Variants in OR6C74 observed in about 807,000 individuals in gnomAD.
OR6C74 encodes olfactory receptor 6C74.
For synonymous variants in OR6C74, 142 were observed against 134.2 expected (o/e 1.06, Z -0.40); for missense variants, 361 against 362.9 (o/e 0.99, Z 0.04).
rs1411464162 is a variant in OR6C74 at position 55,247,848 on chromosome 12, C to T, written c.561C>T (p.Cys187=). ...TTTCTCCTATACTGCAGCTCTCTTG[C>T]ACAGACACTGACATAATAGAATTAA... ...CDVSPILQLS[C]TDTDIIELMM... Residue 187 remains cysteine (C), a synonymous_variant, in exon 2 of 2, where the codon TGC becomes TGT. Transcript: ENST00000343399. 1 of 1,613,850 alleles carries T rather than the reference C, an allele frequency of 6.2e-7. No homozygotes were observed. The highest frequency in any genetic ancestry group is 1.3e-5 in the African/African-American group (1 of 74,912).
chr12:55,255,542 C>A lies in OR6C74; in HGVS notation c.*7316C>A, dbSNP rs1270257746. 6.6e-6 allele frequency among the ~76,000 whole-genome samples: 1 copy of A among 151,764 alleles called. No individual in the cohort carries two copies. The highest frequency in any genetic ancestry group is 1.9e-4 in the East Asian group (1 of 5,182). ...GCAATAGCAAAGACTTGGAACCAAC[C>A]CAAATGCCCATCAATGATAGGTTGG... On this transcript the variant is annotated 3_prime_UTR_variant, in exon 2 of 2. Coordinates refer to ENST00000343399, the MANE Select transcript of OR6C74 (RefSeq NM_001005490.2).
In OR6C74 at chr12:55,254,425, CCAAT is replaced by C; in HGVS notation, c.*6204_*6207del. ...TCCCAGTTGGGATCCTTTCAGATTT[CCAAT>C]CAATTAACTTTCACAAAAGATATCT... On this transcript the variant is annotated 3_prime_UTR_variant, in exon 2 of 2. Transcript: ENST00000343399. Among the ~76,000 whole-genome samples, 1 of 152,092 alleles carries C rather than the reference CCAAT, an allele frequency of 6.6e-6. No individual in the cohort carries two copies. Among genetic ancestry groups the C allele is most frequent in the East Asian group, 1.9e-4 (1 of 5,164 alleles).
rs1954293265 is a variant in OR6C74 at position 55,248,700 on chromosome 12, G to A, written c.*474G>A. Among the ~76,000 whole-genome samples, 1 of 150,440 alleles carries A rather than the reference G, an allele frequency of 6.6e-6. No individual in the cohort carries two copies. The highest frequency in any genetic ancestry group is 2.1e-4 in the South Asian group (1 of 4,824). On this transcript the variant is annotated 3_prime_UTR_variant, in exon 2 of 2. Coordinates refer to ENST00000343399, the MANE Select transcript of OR6C74 (RefSeq NM_001005490.2). ...AATCTCGAAGCAAATCAATTTAATGGCATTTCTTTAATTACACAGTTTAAT... is the reference window on the plus strand; with the variant it reads ...AATCTCGAAGCAAATCAATTTAATGACATTTCTTTAATTACACAGTTTAAT...
chr12:55,247,086 GAACA>G, intron 1 of OR6C74, 189 bp from the exon 2 acceptor site: 1 of 467,942 alleles, frequency 2.1e-6, no homozygotes, highest in Admixed American at 3.8e-5. Flanking sequence ...TGAGAAAACA[GAACA>G]AACTCAAAAA....
At position 55,250,024 on chromosome 12, in the gene OR6C74, C is replaced by G. The variant is rs1039390550; in HGVS notation, c.*1798C>G. ...TGCGGTGTTTGGTTTTTTGTCCTTG[C>G]GATAGCTTGCTGAGAATGATGGTTT... is the stretch of plus-strand genomic sequence containing the variant. On this transcript the variant is annotated 3_prime_UTR_variant, in exon 2 of 2. Transcript: ENST00000343399. 2.0e-5 allele frequency among the ~76,000 whole-genome samples: 3 copies of G among 151,912 alleles called. No individual in the cohort carries two copies. Among genetic ancestry groups the G allele is most frequent in the Admixed American group, 6.6e-5 (1 of 15,228 alleles).
chr12:55,247,819 G>T lies in OR6C74; in HGVS notation c.532G>T (p.Asp178Tyr). 2 of 1,613,966 alleles carry T rather than the reference G, an allele frequency of 1.2e-6. No individual in the cohort carries two copies. The highest frequency in any genetic ancestry group is 2.2e-5 in the South Asian group (2 of 91,074). The stretch of plus-strand genomic sequence containing the variant: ...CAACACTGTAGATCATTTCTTCTGT[G>T]ATGTTTCTCCTATACTGCAGCTCTC... ...AANTVDHFFC[D>Y]VSPILQLSCT... is the part of the protein sequence containing the mutation. Residue 178 changes from aspartate to tyrosine, a missense_variant, in exon 2 of 2, where the codon GAT becomes TAT. Asp to Tyr is a radical substitution (Grantham distance 160). Transcript: ENST00000343399.
rs1229817584 is a variant in OR6C74, at chr12:55,248,571, T to C, written c.*345T>C. Reference sequence around the variant, plus strand: ...GAATTCAAGGACCCAATTTGTCATATATTCTACATAGAGTTCAGTAGACTA... The same window carrying C: ...GAATTCAAGGACCCAATTTGTCATACATTCTACATAGAGTTCAGTAGACTA... On this transcript the variant is annotated 3_prime_UTR_variant, in exon 2 of 2. Transcript: ENST00000343399. 6.6e-6 allele frequency among the ~76,000 whole-genome samples: 1 copy of C among 152,238 alleles called. No individual in the cohort carries two copies. Among genetic ancestry groups the C allele is most frequent in the Non-Finnish European group, 1.5e-5 (1 of 68,028 alleles).
chr12:55,247,807 C>A lies in OR6C74; in HGVS notation c.520C>A (p.His174Asn). The change falls in exon 2 of 2, where the codon CAT becomes AAT. Residue 174 changes from histidine (H) to asparagine (N), a missense_variant. By Grantham distance (68) the His-to-Asn change is moderately conservative (BLOSUM62 1). Transcript: ENST00000343399. Reference sequence around the variant, plus strand: ...TTTCTGTGCAGCCAACACTGTAGATCATTTCTTCTGTGATGTTTCTCCTAT... The same window carrying A: ...TTTCTGTGCAGCCAACACTGTAGATAATTTCTTCTGTGATGTTTCTCCTAT... ...LDFCAANTVD[H>N]FFCDVSPILQ... 6.2e-7 allele frequency: 1 copy of A among 1,613,996 alleles called. No homozygotes were observed. Among genetic ancestry groups the A allele is most frequent in the South Asian group, 1.1e-5 (1 of 91,078 alleles).
chr12:55,256,265 T>C lies in OR6C74; in HGVS notation c.*8039T>C, dbSNP rs144738130. Among the ~76,000 whole-genome samples, 433 of 152,106 alleles carry C rather than the reference T, an allele frequency of 2.8e-3. 2 individuals are homozygous for C. Among genetic ancestry groups the C allele is most frequent in the African/African-American group, 9.6e-3 (398 of 41,536 alleles). On this transcript the variant is annotated 3_prime_UTR_variant, in exon 2 of 2. Transcript: ENST00000343399. ...TGTGTAGAGCCTATAAATGGACGCA[T>C]TGGGGGGGCACCTGTTCATATGGAT...
At position 55,247,334 on chromosome 12, in the gene OR6C74, C is replaced by G. The variant is rs1490301115; in HGVS notation, c.47C>G (p.Thr16Arg). 1.1e-5 allele frequency: 17 copies of G among 1,611,632 alleles called. No homozygotes were observed. The highest frequency in any genetic ancestry group is 1.4e-5 in the Non-Finnish European group (16 of 1,178,014). ...GCAAACTTTATTCTTCTTGGACTGA[C>G]AGATGATCCACAATTACAGGTGATT... Reference protein sequence around the residue: ...TVANFILLGLTDDPQLQVIIF... With the variant: ...TVANFILLGLRDDPQLQVIIF... The change falls in exon 2 of 2, where the codon ACA becomes AGA. Residue 16 changes from threonine (T) to arginine (R), a missense_variant. Physicochemically the swap from Thr to Arg is moderately conservative, Grantham distance 71 (BLOSUM62 -1). Transcript: ENST00000343399.
Position 55,255,826 on chromosome 12 carries a change from A to G in OR6C74, c.*7600A>G, listed in dbSNP as rs1954340284. ...AAAAGGCTATAAATTATTTAATTTC[A>G]TTTATATAATATTCTGGTAGAGATA... On this transcript the variant is annotated 3_prime_UTR_variant, in exon 2 of 2. Transcript: ENST00000343399. 6.6e-6 allele frequency among the ~76,000 whole-genome samples: 1 copy of G among 152,156 alleles called. No homozygotes were observed.
rs1479359127 is a variant in OR6C74, at chr12:55,251,670, A to T, written c.*3444A>T. ...GTTAGAAAACTACAAGTTTACTATA[A>T]ATATGGAGTGTTTATGAGCATTGAA... On this transcript the variant is annotated 3_prime_UTR_variant, in exon 2 of 2. Coordinates refer to ENST00000343399, the MANE Select transcript of OR6C74 (RefSeq NM_001005490.2). Among the ~76,000 whole-genome samples, 1 of 151,950 alleles carries T rather than the reference A, an allele frequency of 6.6e-6. No homozygotes were observed. Among genetic ancestry groups the T allele is most frequent in the African/African-American group, 2.4e-5 (1 of 41,440 alleles).
At position 55,253,850 on chromosome 12, in the gene OR6C74, G is replaced by T. The variant is rs1192216298; in HGVS notation, c.*5624G>T. ...GTTCTGGTTCTATGAAAGGATTGAA[G>T]TCTGTAATTGAATAAGGAGCTTTAA... On this transcript the variant is annotated 3_prime_UTR_variant, in exon 2 of 2. Coordinates refer to ENST00000343399, the MANE Select transcript of OR6C74 (RefSeq NM_001005490.2). Among the ~76,000 whole-genome samples, 3 of 152,062 alleles carry T rather than the reference G, an allele frequency of 2.0e-5. No homozygotes were observed. The highest frequency in any genetic ancestry group is 4.4e-5 in the Non-Finnish European group (3 of 67,954).
chr12:55,252,128 A>C lies in OR6C74; in HGVS notation c.*3902A>C, dbSNP rs1443047552. ...TAGGAATTAATAAAGGAAATTATAC[A>C]AAATGATCAATATATTTTAATAATA... On this transcript the variant is annotated 3_prime_UTR_variant, in exon 2 of 2. Coordinates refer to ENST00000343399, the MANE Select transcript of OR6C74 (RefSeq NM_001005490.2). Among the ~76,000 whole-genome samples, 1 of 151,640 alleles carries C rather than the reference A, an allele frequency of 6.6e-6. No individual in the cohort carries two copies. Among genetic ancestry groups the C allele is most frequent in the Non-Finnish European group, 1.5e-5 (1 of 67,760 alleles).
In OR6C74 at chr12:55,253,323, G is replaced by C. The variant is rs1042566267; in HGVS notation, c.*5097G>C. Among the ~76,000 whole-genome samples the C allele has an allele frequency of 6.6e-6, 1 of 152,046 alleles. No homozygotes were observed. Among genetic ancestry groups the C allele is most frequent in the Non-Finnish European group, 1.5e-5 (1 of 67,970 alleles). ...CTGCTAAAATTTATCTGTGTTAGGA[G>C]AGGCAGACAGTTGAGTTCAATGGGT... On this transcript the variant is annotated 3_prime_UTR_variant, in exon 2 of 2. Transcript: ENST00000343399.
chr12:55,246,011 CA>C, intron 1 of OR6C74, among the ~76,000 whole-genome samples: 1 of 152,058 alleles, frequency 6.6e-6, no homozygotes, highest in Non-Finnish European at 1.5e-5. Context: ...GTATGTGTTT[CA>C]CTCCAGAGCT....
rs1178819996 is a variant in OR6C74 at position 55,252,905 on chromosome 12, C to T, written c.*4679C>T. Among the ~76,000 whole-genome samples the T allele has an allele frequency of 6.6e-6, 1 of 152,018 alleles. No individual in the cohort carries two copies. The highest frequency in any genetic ancestry group is 2.4e-5 in the African/African-American group (1 of 41,434). ...AATTATTACTTAGCATATCATCATA[C>T]ATTTCTGATTTGCTTCTCTTCCTTT... On this transcript the variant is annotated 3_prime_UTR_variant, in exon 2 of 2. Transcript: ENST00000343399.
Position 55,255,090 on chromosome 12 carries a change from C to T in OR6C74, c.*6864C>T, listed in dbSNP as rs1954334746. Among the ~76,000 whole-genome samples the T allele has an allele frequency of 6.6e-6, 1 of 152,018 alleles. No homozygotes were observed. Among genetic ancestry groups the T allele is most frequent in the African/African-American group, 2.4e-5 (1 of 41,412 alleles). On this transcript the variant is annotated 3_prime_UTR_variant, in exon 2 of 2. Coordinates refer to ENST00000343399, the MANE Select transcript of OR6C74 (RefSeq NM_001005490.2). ...CCCTCCAGGGCAGAAGGGAGATTTG[C>T]TTCCTGACTAGGATTATAAAATAGA...
chr12:55,249,119 C>A lies in OR6C74; in HGVS notation c.*893C>A, dbSNP rs529568442. On this transcript the variant is annotated 3_prime_UTR_variant, in exon 2 of 2. Coordinates refer to ENST00000343399, the MANE Select transcript of OR6C74 (RefSeq NM_001005490.2). ...CTTAGAATGCAAAAGAACAGTAAGACCTTTGTAGAACATTCTATAGATTTA... is the reference window on the plus strand; with the variant it reads ...CTTAGAATGCAAAAGAACAGTAAGAACTTTGTAGAACATTCTATAGATTTA... Among the ~76,000 whole-genome samples, 1 of 152,032 alleles carries A rather than the reference C, an allele frequency of 6.6e-6. No homozygotes were observed. The highest frequency in any genetic ancestry group is 1.9e-4 in the East Asian group (1 of 5,182).
Sources: allele counts gnomAD v4.1 joint callset (sites outside exome capture counted in the v4.1 genomes callset), GRCh38; gene constraint gnomAD v4.1.1; transcripts MANE v1.5; gene names NCBI Gene and HGNC (gene_info 2026-07-23, HGNC 2026-07-21).